Variants in DNAH3 observed in about 807,000 individuals in gnomAD.
DNAH3 encodes the protein axonemal beta dynein heavy chain 3.
A neutral mutation model predicts 432.5 loss-of-function variants in DNAH3; 332 were observed. That is an observed-to-expected ratio of 0.77 (90% CI 0.70 to 0.84). The LOEUF is 0.84. Ranked by LOEUF, DNAH3 falls within the 40% of genes least tolerant of loss-of-function variation. The pLI is 0.00. For missense variants in DNAH3, 4,861 were observed against 5,114.0 expected, an observed-to-expected ratio of 0.95 and a Z score of 1.51; for synonymous variants, 1,956 against 1,900.2, an observed-to-expected ratio of 1.03 and a Z score of -0.76.
intron 16 of DNAH3, among the ~76,000 whole-genome samples, chr16:21,099,276 A>ATG (rs2091774965): frequency 1.6e-5 from 2 of 124,928 alleles, no homozygotes; most frequent in Non-Finnish European, 3.5e-5. Context: ...ATGGATGGAC[A>ATG]GATGGATGGA....
intron 1 of DNAH3, among the ~76,000 whole-genome samples, chr16:21,157,923 G>GC (rs2092910511): frequency 3.3e-5 from 5 of 151,540 alleles, no homozygotes; most frequent in East Asian, 3.9e-4. Flanking sequence ...GGTGGGGGGG[G>GC]GCGGTTCTTG....
At chr16:20,951,907 C>A (rs2084333279) in intron 56 of DNAH3, among the ~76,000 whole-genome samples, 1 of 151,972 alleles carries the variant, frequency 6.6e-6, no homozygotes, top group African/African-American at 2.4e-5. Context: ...CCATGCCCGG[C>A]TAATTTTTTA....
At chr16:21,049,791 G>A in intron 30 of DNAH3, 109 bp from the exon 31 acceptor site, 1 of 1,339,430 alleles carries the variant, frequency 7.5e-7, no homozygotes, top group African/African-American at 1.4e-5. Flanking sequence ...CTGCTTGAAG[G>A]AGCTGGGGCC....
exon 7 of DNAH3, chr16:21,134,386 G>C (rs1053768662): frequency 1.2e-6 from 2 of 1,614,214 alleles, no homozygotes; most frequent in Admixed American, 3.3e-5. Context: ...ACTCTTTGAG[G>C]AAACAAGCGG....
chr16:20,933,372 G>A (rs776175730), exon 62 of DNAH3: 2 of 1,614,038 alleles, frequency 1.2e-6, no homozygotes, highest in African/African-American at 1.3e-5. Flanking sequence ...ATGGGCAGTG[G>A]GTCATAGAGG....
At chr16:21,003,207 C>T in exon 42 of DNAH3, 2 of 1,599,336 alleles carry the variant, frequency 1.3e-6, no homozygotes, top group Non-Finnish European at 8.5e-7. Flanking sequence ...ATAGATGCTT[C>T]CTGGACCCAA....
At chr16:21,107,608 G>C (rs1284265521) in intron 14 of DNAH3, among the ~76,000 whole-genome samples, 1 of 152,138 alleles carries the variant, frequency 6.6e-6, no homozygotes, top group Non-Finnish European at 1.5e-5. Context: ...CCTCTTGGCA[G>C]AGAAAATGTT....
intron 59 of DNAH3, among the ~76,000 whole-genome samples, chr16:20,937,067 A>G (rs2083618336): frequency 6.6e-6 from 1 of 152,262 alleles, no homozygotes; most frequent in African/African-American, 2.4e-5. Flanking sequence ...ATTTTTAATG[A>G]GATCATACTA....
At chr16:21,052,296 C>G (rs140419678) in intron 28 of DNAH3, among the ~76,000 whole-genome samples, 220 of 152,258 alleles carry the variant, frequency 1.4e-3, no homozygotes, top group African/African-American at 4.9e-3. Flanking sequence ...CCAGCCCAAA[C>G]AATTTTAGAT....
At chr16:21,121,858 G>A (rs536468668) in intron 10 of DNAH3, 87 bp downstream of exon 11, 1 of 1,177,662 alleles carries the variant, frequency 8.5e-7, no homozygotes, top group Non-Finnish European at 1.2e-6. Context: ...GAATATCCCA[G>A]CGACCTGACT....
intron 9 of DNAH3, among the ~76,000 whole-genome samples, chr16:21,122,429 T>C (rs752514524): frequency 1.3e-5 from 2 of 152,060 alleles, no homozygotes; most frequent in African/African-American, 2.4e-5. Context: ...TGGTGATGGG[T>C]GCTTGTAATC....
At chr16:21,018,246 T>C (rs1382878658) in intron 41 of DNAH3, among the ~76,000 whole-genome samples, 7 of 152,234 alleles carry the variant, frequency 4.6e-5, no homozygotes, top group Non-Finnish European at 1.0e-4. Context: ...CTCATGGCCC[T>C]TGATACATGT....
rs879199308 is a variant in DNAH3, at chr16:21,051,706, C to G, written c.4202G>C (p.Arg1401Pro). The G allele has an allele frequency of 1.2e-6, 2 of 1,613,532 alleles. No homozygotes were observed. Among genetic ancestry groups the G allele is most frequent in the East Asian group, 2.2e-5 (1 of 44,868 alleles). ...GTCGGTGAGGGGTGTGATCACCAGC[C>G]GGGGGGAGTTTCCCAGGTACTCATA... Residue 1401 changes from arginine to proline, a missense_variant, in exon 29 of 62, where the codon CGG (arginine) becomes CCG (proline). By Grantham distance (103) the Arg-to-Pro change is moderately radical (BLOSUM62 -2). Coordinates refer to ENST00000261383, the Ensembl canonical transcript of DNAH3.
intron 20 of DNAH3, among the ~76,000 whole-genome samples, chr16:21,076,974 A>G (rs1395844653): frequency 6.6e-6 from 1 of 152,118 alleles, no homozygotes; most frequent in Non-Finnish European, 1.5e-5. Context: ...ACTAGACACC[A>G]GCAGCAGACT....
At chr16:21,075,583 A>G (rs1412647690) in intron 20 of DNAH3, 22 bp from the exon 21 acceptor site, 11 of 1,561,286 alleles carry the variant, frequency 7.0e-6, no homozygotes, top group Middle Eastern at 1.7e-4. Flanking sequence ...ACACAGCAAC[A>G]GCAACATCAA....
chr16:21,150,707 C>T (rs2152836161), intron 1 of DNAH3, 44 bp downstream of exon 1: 1 of 173,026 alleles, frequency 5.8e-6, no homozygotes. Context: ...AGAGGAAAGA[C>T]TGAAGCAGAG....
intron 50 of DNAH3, among the ~76,000 whole-genome samples, chr16:20,976,268 A>G (rs545815710): frequency 1.3e-5 from 2 of 151,098 alleles, no homozygotes; most frequent in African/African-American, 2.4e-5. Context: ...TCTCAGCTCA[A>G]TGCAACCTCT....
chr16:20,991,851 C>T (rs1404096831), intron 44 of DNAH3, among the ~76,000 whole-genome samples: 1 of 152,190 alleles, frequency 6.6e-6, no homozygotes, highest in Non-Finnish European at 1.5e-5. Context: ...AATAATGTTT[C>T]TCCTTTTGTA....
chr16:20,976,697 A>C (rs1567564303), intron 50 of DNAH3, among the ~76,000 whole-genome samples: 1 of 152,200 alleles, frequency 6.6e-6, no homozygotes, highest in Non-Finnish European at 1.5e-5. Flanking sequence ...GAGTTAGAAG[A>C]GGTCATAAGG....
Sources: allele counts gnomAD v4.1 joint callset (sites outside exome capture counted in the v4.1 genomes callset), GRCh38; gene constraint gnomAD v4.1.1; transcripts MANE v1.5; gene names NCBI Gene and HGNC (gene_info 2026-07-23, HGNC 2026-07-21).